Variants in KCNN2 observed in about 807,000 individuals in gnomAD.
KCNN2 encodes small conductance calcium-activated potassium channel protein 2.
KCNN2 carries 24 observed loss-of-function variants against 55.5 expected under a neutral mutation model. The observed-to-expected ratio is 0.43, with a 90% CI of 0.31 to 0.61. The LOEUF is 0.61. Ranked by LOEUF, KCNN2 falls within the 20% of genes least tolerant of loss-of-function variation. The probability of loss-of-function intolerance (pLI) is 0.08; values close to 1 mark genes in which losing one functional copy is unlikely to be tolerated. For missense variants in KCNN2, 754 were observed against 853.6 expected (o/e 0.88, Z 1.45); for synonymous variants, 431 against 336.1 (o/e 1.28, Z -3.09).
At chr5:114,141,523 G>T (rs555526834) in intron 1 of KCNN2, among the ~76,000 whole-genome samples, 7 of 152,210 alleles carry the variant, frequency 4.6e-5, no homozygotes, top group African/African-American at 1.4e-4. Flanking sequence ...TCTTAGTCCA[G>T]TCTATCATTG....
chr5:114,065,575 A>G (rs949933656), intron 1 of KCNN2, among the ~76,000 whole-genome samples: 1 of 152,222 alleles, frequency 6.6e-6, no homozygotes, highest in African/African-American at 2.4e-5. Flanking sequence ...GCTTAGTATC[A>G]ACATAAATGC....
intron 1 of KCNN2, among the ~76,000 whole-genome samples, chr5:114,074,702 T>G (rs1321120639): frequency 6.6e-6 from 1 of 152,164 alleles, no homozygotes; most frequent in East Asian, 1.9e-4. Flanking sequence ...GGAAATTGAC[T>G]TAGAATTTTT....
intron 3 of KCNN2, among the ~76,000 whole-genome samples, chr5:114,435,971 T>G (rs1445546161): frequency 6.6e-6 from 1 of 152,190 alleles, no homozygotes; most frequent in Non-Finnish European, 1.5e-5. Flanking sequence ...TAGTTTCTGT[T>G]TTCTCTGAAG....
intron 1 of KCNN2, among the ~76,000 whole-genome samples, chr5:114,136,644 T>C (rs750303581): frequency 3.3e-5 from 5 of 152,180 alleles, no homozygotes; most frequent in Non-Finnish European, 7.3e-5. Flanking sequence ...ATATCATTAA[T>C]TTAAAAAATT....
At chr5:114,413,640 A>G (rs1759204736) in intron 3 of KCNN2, among the ~76,000 whole-genome samples, 1 of 152,170 alleles carries the variant, frequency 6.6e-6, no homozygotes, top group Admixed American at 6.6e-5. Context: ...ATAATGAGGA[A>G]TAGTATTTGT....
intron 1 of KCNN2, among the ~76,000 whole-genome samples, chr5:114,152,856 C>T (rs2112519881): frequency 6.6e-6 from 1 of 152,134 alleles, no homozygotes; most frequent in South Asian, 2.1e-4. Flanking sequence ...CATGAGGAAC[C>T]ATAAGACCAA....
chr5:114,168,289 C>T (rs1752961578), intron 1 of KCNN2, among the ~76,000 whole-genome samples: 1 of 151,804 alleles, frequency 6.6e-6, no homozygotes, highest in Non-Finnish European at 1.5e-5. Flanking sequence ...TTATCATTCT[C>T]TGTGCTAATA....
intron 2 of KCNN2, among the ~76,000 whole-genome samples, chr5:114,311,644 G>C (rs1178568393): frequency 6.6e-6 from 1 of 151,938 alleles, no homozygotes; most frequent in Non-Finnish European, 1.5e-5. Flanking sequence ...TTTTTGTGCA[G>C]GCTACCTAGC....
chr5:114,163,712 G>T (rs1437155418), intron 1 of KCNN2, among the ~76,000 whole-genome samples: 3 of 152,110 alleles, frequency 2.0e-5, no homozygotes, highest in African/African-American at 7.2e-5. Flanking sequence ...GGTAATATGG[G>T]GAGGAAGGAT....
chr5:114,456,891 C>T (rs35641030), intron 3 of KCNN2, among the ~76,000 whole-genome samples: 2 of 152,064 alleles, frequency 1.3e-5, no homozygotes, highest in African/African-American at 2.4e-5. Flanking sequence ...ATGTATGGGG[C>T]GTTTGCTTTG....
intron 1 of KCNN2, among the ~76,000 whole-genome samples, chr5:114,137,661 G>C (rs946056694): frequency 3.3e-5 from 5 of 152,118 alleles, no homozygotes; most frequent in Admixed American, 2.0e-4. Flanking sequence ...AGCATACTGA[G>C]TACTGTTAGG....
chr5:114,166,084 G>T (rs2112537533), intron 1 of KCNN2, among the ~76,000 whole-genome samples: 1 of 151,966 alleles, frequency 6.6e-6, no homozygotes, highest in Non-Finnish European at 1.5e-5. Flanking sequence ...TAGAAATGGG[G>T]TTTCACCGTG....
intron 2 of KCNN2, among the ~76,000 whole-genome samples, chr5:114,268,771 T>C (rs1755259063): frequency 6.6e-6 from 1 of 152,214 alleles, no homozygotes; most frequent in Non-Finnish European, 1.5e-5. Context: ...AGTGAGACAA[T>C]ACTGGTTTAT....
intron 2 of KCNN2, among the ~76,000 whole-genome samples, chr5:114,297,447 A>T (rs188250878): frequency 6.6e-6 from 1 of 152,210 alleles, no homozygotes; most frequent in Admixed American, 6.5e-5. Context: ...AGAAAAGAAT[A>T]TGTGCTACTT....
intron 1 of KCNN2, among the ~76,000 whole-genome samples, chr5:114,214,085 A>C (rs1753949304): frequency 6.6e-6 from 1 of 152,076 alleles, no homozygotes; most frequent in Non-Finnish European, 1.5e-5. Flanking sequence ...AGTCCTAAAT[A>C]CATAATGTCA....
At chr5:114,262,509 G>T (rs1580671135) in intron 2 of KCNN2, among the ~76,000 whole-genome samples, 3 of 152,256 alleles carry the variant, frequency 2.0e-5, no homozygotes, top group Non-Finnish European at 4.4e-5. Context: ...AGATTGCCTG[G>T]GAGTGAATCC....
At chr5:114,324,673 G>T (rs1320245048) in intron 2 of KCNN2, among the ~76,000 whole-genome samples, 1 of 152,174 alleles carries the variant, frequency 6.6e-6, no homozygotes, top group Non-Finnish European at 1.5e-5. Flanking sequence ...GTGATAATTT[G>T]TTACAGCAGC....
intron 3 of KCNN2, among the ~76,000 whole-genome samples, chr5:114,407,474 G>A (rs758353010): frequency 6.6e-6 from 1 of 151,536 alleles, no homozygotes; most frequent in Non-Finnish European, 1.5e-5. Flanking sequence ...CTTTTCTCTG[G>A]AGATGTTAAT....
chr5:114,152,764 C>T (rs532825543), intron 1 of KCNN2, among the ~76,000 whole-genome samples: 1 of 152,106 alleles, frequency 6.6e-6, no homozygotes, highest in South Asian at 2.1e-4. Context: ...AGGAGTTACT[C>T]ATAGGGAGAG....
Sources: gnomAD v4.1 joint callset for allele counts (sites outside exome capture counted in the v4.1 genomes callset) on GRCh38, gnomAD v4.1.1 for gene constraint, MANE v1.5 for transcripts, NCBI Gene and HGNC (gene_info 2026-07-23, HGNC 2026-07-21) for gene names.